The following REPS1 variants were observed in gnomAD, a reference collection of about 807,000 sequenced individuals.
REPS1 encodes the protein RALBP1 associated Eps domain containing 1.
In REPS1, 39 loss-of-function variants were observed where a neutral mutation model predicts 100.9. That is an observed-to-expected ratio of 0.39 (90% confidence interval 0.30 to 0.50). REPS1 has a LOEUF of 0.50. REPS1 is among the 20% of genes least tolerant of loss of function. REPS1 has a pLI of 0.86. For missense variants in REPS1, 821 were observed against 968.5 expected, an observed-to-expected ratio of 0.85 and a Z score of 2.02; for synonymous variants, 324 against 340.3, an observed-to-expected ratio of 0.95 and a Z score of 0.53.
intron 5 of REPS1, among the ~76,000 whole-genome samples, 169 bp downstream of exon 5, chr6:138,944,329 G>C (rs1782468533): frequency 6.6e-6 from 1 of 152,154 alleles, no homozygotes; most frequent in Non-Finnish European, 1.5e-5. Context: ...AAAATCAGCT[G>C]AAACATTCCA....
At position 138,972,683 on chromosome 6, in the gene REPS1, TAA is replaced by T. The variant is rs11330627; in HGVS notation, c.153+14845_153+14846del. Among the ~76,000 whole-genome samples the T allele has an allele frequency of 6.5e-3, 863 of 133,044 alleles. 2 individuals are homozygous for T. The highest frequency in any genetic ancestry group is 7.3e-3 in the South Asian group (31 of 4,246). The allele number at this position is 133,044 out of a possible 152,430, so 87.3% of individuals were successfully genotyped here. Reference sequence around the variant, plus strand: ...CTACTAAAGTGACCCACAATACCACTAAAAAAAAAAAAAAAAAAATTTAAGAG... The same window carrying T: ...CTACTAAAGTGACCCACAATACCACTAAAAAAAAAAAAAAAAATTTAAGAG... On this transcript the variant is annotated intron_variant, in intron 1 of 19. Coordinates refer to ENST00000450536, the MANE Select transcript of REPS1 (RefSeq NM_001286611.2).
Position 138,947,812 on chromosome 6 carries a change from T to G in REPS1, c.255A>C (p.Leu85Phe). ...TACCTGTATTTATACTTTCCACTCT[T>G]AAAGGGAAACCAGACTGGGCAACAG... ...LVAVAQSGFP[L>F]RVESINTVKD... The change falls in exon 2 of 20, where the codon TTA becomes TTC. Residue 85 changes from leucine (L) to phenylalanine (F), a missense_variant. Leu to Phe is a conservative substitution (Grantham distance 22). Transcript: ENST00000450536. 1 of 1,609,154 alleles carries G rather than the reference T, an allele frequency of 6.2e-7. No homozygotes were observed. Among genetic ancestry groups the G allele is most frequent in the East Asian group, 2.2e-5 (1 of 44,724 alleles).
At chr6:138,926,871 T>C (rs548722586) in intron 9 of REPS1, 1 of 168,026 alleles carries the variant, frequency 6.0e-6, no homozygotes, top group African/African-American at 2.4e-5. Flanking sequence ...AACATTCAAA[T>C]GTTAATGTAC....
At position 138,945,552 on chromosome 6, in the gene REPS1, C is replaced by G. The variant is rs1262255160; in HGVS notation, c.423G>C (p.Lys141Asn). 6.2e-7 allele frequency: 1 copy of G among 1,612,136 alleles called. No homozygotes were observed. Among genetic ancestry groups the G allele is most frequent in the Non-Finnish European group, 8.5e-7 (1 of 1,179,428 alleles). ...PPPPGRGQVK[K>N]GSVSHDTVQP... ...GAACCGTATCATGGCTTACGGATCC[C>G]TTTTTCACTTGCCCCCTGCCAGGTG... Residue 141 changes from lysine (K) to asparagine (N), a missense_variant, in exon 3 of 20, where the codon AAG becomes AAC. By Grantham distance (94) the Lys-to-Asn change is moderately conservative (BLOSUM62 0). Around this residue, in one of 3 missense-constraint regions of REPS1, gnomAD observed 757 missense variants for 866.4 expected, o/e 0.87. Transcript: ENST00000450536.
Position 138,987,893 on chromosome 6 carries a change from T to G in REPS1, c.-211A>C. On this transcript the variant is annotated 5_prime_UTR_variant, in exon 1 of 20. Coordinates refer to ENST00000450536, the MANE Select transcript of REPS1 (RefSeq NM_001286611.2). ...CGGCTGCGCTCGCCGCGCCGCTGCC[T>G]GCGAGGCCCGGCGCGCGGCTGCGGC... 1 of 435,614 alleles carries G rather than the reference T, an allele frequency of 2.3e-6. No homozygotes were observed. Among genetic ancestry groups the G allele is most frequent in the South Asian group, 1.1e-4 (1 of 9,044 alleles). 27.0% of individuals were successfully genotyped at this position (435,614 alleles called of 1,614,324 possible). A position where few individuals can be genotyped will look rare whatever the true frequency, so the allele number is the denominator to read the frequency against.
At chr6:138,940,400 G>C (rs1485095053) in intron 8 of REPS1, among the ~76,000 whole-genome samples, 3 of 152,090 alleles carry the variant, frequency 2.0e-5, no homozygotes, top group African/African-American at 7.2e-5. Flanking sequence ...TATTCATTCA[G>C]AATTTAAGAA....
intron 1 of REPS1, among the ~76,000 whole-genome samples, chr6:138,984,199 T>C (rs1316208316): frequency 3.3e-5 from 5 of 151,344 alleles, no homozygotes; most frequent in Non-Finnish European, 7.4e-5. Context: ...TTCTCCTGCC[T>C]CAGCCTCTGG....
chr6:138,905,879 T>C (rs1225985250), intron 19 of REPS1, among the ~76,000 whole-genome samples: 1 of 152,226 alleles, frequency 6.6e-6, no homozygotes, highest in African/African-American at 2.4e-5. Flanking sequence ...TTTTAATCAA[T>C]GTTGATTTTA....
chr6:138,919,029 A>C (rs139202397), intron 12 of REPS1, among the ~76,000 whole-genome samples: 2,012 of 152,288 alleles, frequency 0.013, 16 homozygotes, highest in Non-Finnish European at 0.015. Flanking sequence ...ATTAAAATGA[A>C]CATATTTCCA....
At chr6:138,947,685 A>G in intron 2 of REPS1, 105 bp downstream of exon 2, 1 of 1,054,744 alleles carries the variant, frequency 9.5e-7, no homozygotes, top group Admixed American at 2.9e-5. Flanking sequence ...ACTCAAGGTC[A>G]CAAATGCCAC....
chr6:138,967,827 C>A (rs9403018), intron 1 of REPS1, among the ~76,000 whole-genome samples: 28,138 of 151,992 alleles, frequency 0.19, 2,795 homozygotes, highest in East Asian at 0.33. Flanking sequence ...AAGTACCAGG[C>A]GCTGTTCCTG....
intron 8 of REPS1, among the ~76,000 whole-genome samples, chr6:138,936,219 G>A (rs1781825907): frequency 1.3e-5 from 2 of 151,924 alleles, no homozygotes; most frequent in Admixed American, 1.3e-4. Context: ...TAGAGACAGG[G>A]TCTCGCTTTG....
chr6:138,921,232 T>A (rs777512591), intron 10 of REPS1, 108 bp from the exon 11 acceptor site: 5 of 675,820 alleles, frequency 7.4e-6, no homozygotes, highest in Non-Finnish European at 1.0e-5. Context: ...GCTTTCCCAT[T>A]TACACTAAGG....
At position 138,947,817 on chromosome 6, in the gene REPS1, G is replaced by A. The variant is rs138992356; in HGVS notation, c.250C>T (p.Pro84Ser). The A allele has an allele frequency of 3.1e-6, 5 of 1,608,908 alleles. No homozygotes were observed. Among genetic ancestry groups the A allele is most frequent in the Admixed American group, 1.7e-5 (1 of 59,008 alleles). Residue 84 changes from proline to serine, a missense_variant, in exon 2 of 20, where the codon CCT becomes TCT. Transcript: ENST00000450536. ...KLVAVAQSGF[P>S]LRVESINTVK... ...GTATTTATACTTTCCACTCTTAAAGGGAAACCAGACTGGGCAACAGCTACA... is the reference window on the plus strand; with the variant it reads ...GTATTTATACTTTCCACTCTTAAAGAGAAACCAGACTGGGCAACAGCTACA...
intron 10 of REPS1, among the ~76,000 whole-genome samples, chr6:138,923,119 A>T (rs1283916314): frequency 6.6e-6 from 1 of 152,216 alleles, no homozygotes; most frequent in Non-Finnish European, 1.5e-5. Context: ...TTATAGATGG[A>T]TGAAAGTTTA....
In REPS1 at chr6:138,944,621, A is replaced by C; in HGVS notation, c.630T>G (p.Gly210=). ...ACCACACTGCATCACCAGCAGAAGAACCTATAAGGAGAATGGGTAAACATG... is the reference window on the plus strand; with the variant it reads ...ACCACACTGCATCACCAGCAGAAGACCCTATAAGGAGAATGGGTAAACATG... The part of the protein sequence containing the change: ...FWSPFGEAQS[G]SSAGDAVWSG... Residue 210 remains glycine, a splice_region_variant and synonymous_variant, in exon 5 of 20, where the codon GGT becomes GGG. Coordinates refer to ENST00000450536, the MANE Select transcript of REPS1 (RefSeq NM_001286611.2). 6.2e-7 allele frequency: 1 copy of C among 1,611,440 alleles called. No homozygotes were observed. Among genetic ancestry groups the C allele is most frequent in the Non-Finnish European group, 8.5e-7 (1 of 1,179,350 alleles).
chr6:138,971,355 T>G (rs1008390469), intron 1 of REPS1, among the ~76,000 whole-genome samples: 1 of 152,132 alleles, frequency 6.6e-6, no homozygotes, highest in African/African-American at 2.4e-5. Flanking sequence ...ATGTGTGAAA[T>G]CCTGTGAGTG....
At chr6:138,936,780 C>T (rs2128465655) in intron 8 of REPS1, among the ~76,000 whole-genome samples, 1 of 152,158 alleles carries the variant, frequency 6.6e-6, no homozygotes, top group Non-Finnish European at 1.5e-5. Flanking sequence ...CAAAGATATA[C>T]ATATAAGCAT....
chr6:138,917,483 G>T, intron 13 of REPS1, 72 bp downstream of exon 13: 1 of 1,175,482 alleles, frequency 8.5e-7, no homozygotes, highest in Non-Finnish European at 1.3e-6. Flanking sequence ...TTTGTGCTTG[G>T]TTCTAAATAG....
Sources: allele counts gnomAD v4.1 joint callset (sites outside exome capture counted in the v4.1 genomes callset), GRCh38; gene constraint gnomAD v4.1.1; regional missense constraint gnomAD v4.1.1; transcripts MANE v1.5; gene names NCBI Gene and HGNC (gene_info 2026-07-23, HGNC 2026-07-21).